Variants in ZCCHC2 observed in about 807,000 individuals in gnomAD.
The protein encoded by ZCCHC2 is zinc finger CCHC-type containing 2, also known as zinc finger CCHC domain-containing protein 2.
Under a neutral mutation model 103.6 loss-of-function variants are expected in ZCCHC2, and 39 were observed. The ratio of observed to expected loss-of-function variants is 0.38; its 90% confidence interval spans 0.29 to 0.49. The LOEUF is 0.49. ZCCHC2 is among the 20% of genes least tolerant of loss of function. The pLI, the probability that ZCCHC2 is intolerant of heterozygous loss-of-function variation, is 0.96. For synonymous variants in ZCCHC2, 687 were observed against 608.9 expected (o/e 1.13, Z -1.89); for missense variants, 1,483 against 1,491.0 (o/e 0.99, Z 0.09).
At chr18:62,540,608 AC>A (rs1472777268) in intron 2 of ZCCHC2, among the ~76,000 whole-genome samples, 1 of 152,182 alleles carries the variant, frequency 6.6e-6, no homozygotes, top group Non-Finnish European at 1.5e-5. Context: ...TAATCAGACT[AC>A]TTCAGCTAAA....
intron 11 of ZCCHC2, among the ~76,000 whole-genome samples, chr18:62,569,002 T>C (rs1029835843): frequency 2.0e-5 from 3 of 152,242 alleles, no homozygotes; most frequent in African/African-American, 4.8e-5. Flanking sequence ...GTAAAATTGT[T>C]ACTTGCCCAT....
chr18:62,539,000 T>TAATC (rs113984713), intron 1 of ZCCHC2, among the ~76,000 whole-genome samples: 91,183 of 151,590 alleles, frequency 0.6, 27,905 homozygotes, highest in East Asian at 0.71. Context: ...TTTACTTACT[T>TAATC]AATATGATGT....
At chr18:62,584,736 T>C (rs8083547) in exon 15 of ZCCHC2, 140,546 of 152,348 alleles carry the variant, frequency 0.92, 65,007 homozygotes, top group East Asian at 1. Flanking sequence ...GTTTCCTCTG[T>C]GCTTTTCCTG....
chr18:62,537,987 T>C (rs1183961329), intron 1 of ZCCHC2, among the ~76,000 whole-genome samples: 1 of 152,248 alleles, frequency 6.6e-6, no homozygotes, highest in Non-Finnish European at 1.5e-5. Context: ...TATCTTCTTA[T>C]GCATCTCACT....
chr18:62,546,180 GGA>G (rs1915398983), intron 4 of ZCCHC2, among the ~76,000 whole-genome samples: 1 of 152,150 alleles, frequency 6.6e-6, no homozygotes, highest in Non-Finnish European at 1.5e-5. Context: ...GACACCTTGG[GGA>G]GAGAGATGGC....
At chr18:62,531,750 C>T (rs1914682447) in intron 1 of ZCCHC2, among the ~76,000 whole-genome samples, 1 of 148,308 alleles carries the variant, frequency 6.7e-6, no homozygotes, top group Non-Finnish European at 1.5e-5. Context: ...AGTTTGAAGC[C>T]AACTCTGACA....
chr18:62,524,071 G>T lies in ZCCHC2; in HGVS notation c.647G>T (p.Gly216Val), dbSNP rs2145478698. 2 of 1,498,522 alleles carry T rather than the reference G, an allele frequency of 1.3e-6. No individual in the cohort carries two copies. The highest frequency in any genetic ancestry group is 1.5e-5 in the African/African-American group (1 of 68,794). The allele number at this position is 1,498,522 out of a possible 1,614,324, so 92.8% of individuals were successfully genotyped here. ...RAARGEGSRG[G>V]AEDERGEDGD... ...GCCCGGGGCGAGGGCTCGCGGGGCG[G>T]CGCGGAGGACGAGCGCGGCGAGGAC... The change falls in exon 1 of 14, where the codon GGC becomes GTC. Residue 216 changes from glycine (G) to valine (V), a missense_variant. By Grantham distance (109) the Gly-to-Val change is moderately radical. This residue lies in a region of ZCCHC2 where 568 missense variants were observed against 525.1 expected (regional missense o/e 1.08). Transcript: ENST00000269499.
Position 62,558,705 on chromosome 18 carries a change from T to C in ZCCHC2, c.1427T>C (p.Leu476Pro). 2 of 1,538,810 alleles carry C rather than the reference T, an allele frequency of 1.3e-6. No homozygotes were observed. Among genetic ancestry groups the C allele is most frequent in the South Asian group, 2.5e-5 (2 of 80,844 alleles). ...CCTGCAGATAACTTACAATCCTCTC[T>C]GAAGACTTCTAAGATATTAGAACAC... is the stretch of plus-strand genomic sequence containing the variant. ...LHSINNLQSS[L>P]KTSKILEHLK... Residue 476 changes from leucine to proline, a missense_variant, in exon 7 of 14, where the codon CTG (leucine) becomes CCG (proline). Leu to Pro is a moderately conservative substitution (Grantham distance 98, BLOSUM62 -3). Coordinates refer to ENST00000269499, the MANE Select transcript of ZCCHC2 (RefSeq NM_017742.6).
intron 12 of ZCCHC2, among the ~76,000 whole-genome samples, chr18:62,572,999 T>C (rs989984584): frequency 2.0e-5 from 3 of 152,218 alleles, no homozygotes; most frequent in Admixed American, 6.5e-5. Context: ...AATCATTGAA[T>C]TAGTAATACT....
chr18:62,568,152 A>T (rs1164242538), intron 11 of ZCCHC2, among the ~76,000 whole-genome samples: 1 of 152,138 alleles, frequency 6.6e-6, no homozygotes, highest in Non-Finnish European at 1.5e-5. Context: ...TGATTTATTT[A>T]AATGAGTCTT....
chr18:62,557,183 C>T (rs1382177955), intron 6 of ZCCHC2, among the ~76,000 whole-genome samples: 1 of 152,198 alleles, frequency 6.6e-6, no homozygotes, highest in Non-Finnish European at 1.5e-5. Context: ...TCACCACTGT[C>T]TGCCTTGTGT....
intron 2 of ZCCHC2, among the ~76,000 whole-genome samples, chr18:62,541,695 C>G (rs1915190034): frequency 6.6e-6 from 1 of 152,170 alleles, no homozygotes; most frequent in South Asian, 2.1e-4. Flanking sequence ...ACAGCAGTGT[C>G]TTTAAGTCCT....
At chr18:62,569,373 C>G (rs1231002025) in intron 11 of ZCCHC2, among the ~76,000 whole-genome samples, 1 of 151,994 alleles carries the variant, frequency 6.6e-6, no homozygotes, top group Admixed American at 6.6e-5. Flanking sequence ...CTTAAGAAGC[C>G]TCTGGAATCC....
intron 4 of ZCCHC2, among the ~76,000 whole-genome samples, chr18:62,549,015 T>A (rs542679749): frequency 6.6e-6 from 1 of 150,760 alleles, no homozygotes; most frequent in African/African-American, 2.4e-5. Context: ...GTCAGGAGAT[T>A]GAGACCATCC....
At chr18:62,583,960 C>A (rs964214671) in intron 14 of ZCCHC2, among the ~76,000 whole-genome samples, 3 of 152,162 alleles carry the variant, frequency 2.0e-5, no homozygotes, top group African/African-American at 7.2e-5. Context: ...CCAGGGCGGA[C>A]AACCTTGTCT....
intron 8 of ZCCHC2, among the ~76,000 whole-genome samples, chr18:62,561,410 CTG>C (rs1001961310): frequency 3.9e-5 from 6 of 152,220 alleles, no homozygotes; most frequent in African/African-American, 1.4e-4. Context: ...ATAAAACCGT[CTG>C]TGATTTCTTA....
rs538370466 is a variant in ZCCHC2, at chr18:62,558,556, C to T, written c.1409-131C>T. On this transcript the variant is annotated intron_variant, in intron 6 of 13. Coordinates refer to ENST00000269499, the MANE Select transcript of ZCCHC2 (RefSeq NM_017742.6). ...GCTTTGGGCTGTGTCATCTTGCCTT[C>T]TCACTAGTAGCCATGTTTTCTTCAC... The T allele has an allele frequency of 9.5e-6, 5 of 528,136 alleles. No individual in the cohort carries two copies. In the Admixed American group the frequency reaches 1.9e-4, roughly 20 times the overall value. 32.7% of individuals were successfully genotyped at this position (528,136 alleles called of 1,614,324 possible).
At chr18:62,544,987 G>A (rs1246086282) in intron 4 of ZCCHC2, 114 bp downstream of exon 4, 5 of 836,380 alleles carry the variant, frequency 6.0e-6, no homozygotes, top group Admixed American at 3.5e-5. Context: ...GGTTGGCTCA[G>A]AACTCTAAAT....
chr18:62,565,612 T>G (rs1598959663), intron 11 of ZCCHC2, among the ~76,000 whole-genome samples: 1 of 152,308 alleles, frequency 6.6e-6, no homozygotes, highest in Middle Eastern at 3.4e-3. Flanking sequence ...GGTCCCTTTA[T>G]TTTTAGGTTC....
Sources: allele counts gnomAD v4.1 joint callset (sites outside exome capture counted in the v4.1 genomes callset), GRCh38; gene constraint gnomAD v4.1.1; regional missense constraint gnomAD v4.1.1; transcripts MANE v1.5; gene names NCBI Gene and HGNC (gene_info 2026-07-23, HGNC 2026-07-21).